The following CTNNA2 variants were observed in gnomAD, a reference collection of about 807,000 sequenced individuals.
CTNNA2 encodes the protein catenin alpha-2.
A neutral mutation model predicts 101.0 loss-of-function variants in CTNNA2; 42 were observed. The observed-to-expected ratio is 0.42, with a 90% confidence interval of 0.32 to 0.54. CTNNA2 has a LOEUF of 0.54. CTNNA2 is among the 20% of genes least tolerant of loss of function. The probability of loss-of-function intolerance (pLI) is 0.14; values close to 1 mark genes in which losing one functional copy is unlikely to be tolerated. For missense variants in CTNNA2, 871 were observed against 1,223.1 expected (o/e 0.71, Z 4.29); for synonymous variants, 450 against 456.4 (o/e 0.99, Z 0.18).
intron 3 of CTNNA2, among the ~76,000 whole-genome samples, chr2:79,808,116 A>G (rs1390962202): frequency 6.6e-6 from 1 of 152,216 alleles, no homozygotes; most frequent in African/African-American, 2.4e-5. Context: ...AATTTAAAGT[A>G]TTTCAGAACA....
At chr2:79,674,630 C>G (rs1166929432) in intron 2 of CTNNA2, among the ~76,000 whole-genome samples, 1 of 152,054 alleles carries the variant, frequency 6.6e-6, no homozygotes, top group Non-Finnish European at 1.5e-5. Flanking sequence ...ATAGAAATAT[C>G]TAGTTCTCTA....
At chr2:79,592,337 G>T (rs1676916674) in intron 1 of CTNNA2, among the ~76,000 whole-genome samples, 2 of 151,726 alleles carry the variant, frequency 1.3e-5, no homozygotes, top group Admixed American at 6.6e-5. Flanking sequence ...TCACCATGTT[G>T]ACCAGGCTGA....
chr2:80,462,366 A>G (rs1298126338), intron 9 of CTNNA2, among the ~76,000 whole-genome samples: 1 of 152,212 alleles, frequency 6.6e-6, no homozygotes, highest in Non-Finnish European at 1.5e-5. Flanking sequence ...AAGACTTGAA[A>G]GCAGCAAATA....
intron 18 of CTNNA2, among the ~76,000 whole-genome samples, chr2:80,628,507 TGGGAAAA>T (rs1671932022): frequency 6.6e-6 from 1 of 151,512 alleles, no homozygotes; most frequent in Non-Finnish European, 1.5e-5. Flanking sequence ...TAAATAGTGT[TGGGAAAA>T]CTGGCTAACC....
At chr2:79,971,889 G>GTCT (rs1218012545) in intron 7 of CTNNA2, among the ~76,000 whole-genome samples, 1 of 152,188 alleles carries the variant, frequency 6.6e-6, no homozygotes, top group Non-Finnish European at 1.5e-5. Context: ...ATCTAAGGGG[G>GTCT]TCTTACAAGT....
intron 7 of CTNNA2, among the ~76,000 whole-genome samples, chr2:80,254,677 C>G (rs1672005072): frequency 6.6e-6 from 1 of 152,056 alleles, no homozygotes; most frequent in South Asian, 2.1e-4. Context: ...TTACTGTTAG[C>G]AAAATACTGA....
intron 7 of CTNNA2, among the ~76,000 whole-genome samples, chr2:80,353,136 G>A (rs1037858996): frequency 1.3e-5 from 2 of 151,934 alleles, no homozygotes; most frequent in Admixed American, 6.6e-5. Context: ...TGGCCAGAGC[G>A]ATCTTGCTCA....
chr2:80,432,584 T>G (rs1681644127), intron 9 of CTNNA2, among the ~76,000 whole-genome samples: 1 of 152,178 alleles, frequency 6.6e-6, no homozygotes, highest in Non-Finnish European at 1.5e-5. Flanking sequence ...GTTACTTACT[T>G]AGACTGACAG....
rs636935 is a variant in CTNNA2, at chr2:80,000,858, C to T, written c.1056+91061C>T. Among the ~76,000 whole-genome samples the T allele has an allele frequency of 1.6e-4, 25 of 152,104 alleles. No homozygotes were observed. In the East Asian group the frequency reaches 2.7e-3, roughly 16 times the overall value. ...AGGTTGAAGAGAAAAGGCCAACAAG[C>T]GGGGAAGGGTGAGTGAGCAACTGAT... is the stretch of plus-strand genomic sequence containing the variant. On this transcript the variant is annotated intron_variant, in intron 7 of 18. Transcript: ENST00000402739.
intron 4 of CTNNA2, among the ~76,000 whole-genome samples, chr2:79,454,185 G>A (rs181861466): frequency 6.6e-4 from 100 of 152,160 alleles, no homozygotes; most frequent in African/African-American, 2.1e-3. Flanking sequence ...AGGATATGGT[G>A]ATTCCCTCCC....
chr2:79,521,598 A>T (rs939159437), intron 1 of CTNNA2, among the ~76,000 whole-genome samples: 40 of 152,060 alleles, frequency 2.6e-4, no homozygotes, highest in Admixed American at 2.0e-4. Flanking sequence ...CACTGGGTGG[A>T]GGAGGTTAGG....
chr2:80,096,292 G>T (rs1025847617), intron 7 of CTNNA2, among the ~76,000 whole-genome samples: 1 of 152,182 alleles, frequency 6.6e-6, no homozygotes, highest in African/African-American at 2.4e-5. Flanking sequence ...AGGTTGTTCA[G>T]TTTCCATGTA....
chr2:79,539,666 G>A (rs1673290178), intron 1 of CTNNA2, among the ~76,000 whole-genome samples: 1 of 152,162 alleles, frequency 6.6e-6, no homozygotes, highest in Non-Finnish European at 1.5e-5. Flanking sequence ...TTTGCCCTCA[G>A]TTGTTGAATC....
intron 2 of CTNNA2, among the ~76,000 whole-genome samples, chr2:79,247,942 T>G (rs1048609538): frequency 6.6e-6 from 1 of 152,176 alleles, no homozygotes; most frequent in African/African-American, 2.4e-5. Context: ...CTGGACTTCA[T>G]CCCAAGTGAA....
chr2:79,897,275 G>A (rs1684781785), intron 6 of CTNNA2, among the ~76,000 whole-genome samples: 1 of 150,924 alleles, frequency 6.6e-6, no homozygotes, highest in African/African-American at 2.5e-5. Context: ...GAGGCCAGTG[G>A]GGTAGTGTGG....
In CTNNA2 at chr2:80,640,034, G is replaced by A. The variant is rs185624822; in HGVS notation, c.2575-7551G>A. Among the ~76,000 whole-genome samples, 45 of 152,104 alleles carry A rather than the reference G, an allele frequency of 3.0e-4. 1 individual carries two copies. The highest frequency in any genetic ancestry group is 9.9e-4 in the African/African-American group (41 of 41,524). ...GGAGAATCGCTTGAACCCGGTAGGCGGAGGTTGCAGTGAGCCGAGATTGTG... is the reference window on the plus strand; with the variant it reads ...GGAGAATCGCTTGAACCCGGTAGGCAGAGGTTGCAGTGAGCCGAGATTGTG... On this transcript the variant is annotated intron_variant, in intron 18 of 18. Coordinates refer to ENST00000402739, the MANE Select transcript of CTNNA2 (RefSeq NM_001282597.3).
chr2:80,344,453 C>G (rs1027082582), intron 7 of CTNNA2, among the ~76,000 whole-genome samples: 10 of 152,116 alleles, frequency 6.6e-5, no homozygotes, highest in Non-Finnish European at 1.5e-5. Flanking sequence ...TATGAAATGT[C>G]AACACATGAA....
At chr2:80,433,825 T>C (rs1189155095) in intron 9 of CTNNA2, among the ~76,000 whole-genome samples, 1 of 152,190 alleles carries the variant, frequency 6.6e-6, no homozygotes, top group African/African-American at 2.4e-5. Context: ...TTGCTACAAA[T>C]ATAGGTTATA....
intron 2 of CTNNA2, among the ~76,000 whole-genome samples, chr2:79,246,110 G>A (rs1195658244): frequency 6.6e-6 from 1 of 152,220 alleles, no homozygotes; most frequent in Non-Finnish European, 1.5e-5. Flanking sequence ...TTTGTGGAAA[G>A]AGCTCAAGAT....
Sources: gnomAD v4.1 joint callset for allele counts (sites outside exome capture counted in the v4.1 genomes callset) on GRCh38, gnomAD v4.1.1 for gene constraint, MANE v1.5 for transcripts, NCBI Gene and HGNC (gene_info 2026-07-23, HGNC 2026-07-21) for gene names.